The following GNAL variants were observed in gnomAD, a reference collection of about 807,000 sequenced individuals.
GNAL encodes guanine nucleotide-binding protein G(olf) subunit alpha.
GNAL carries 18 observed loss-of-function variants against 55.1 expected under a neutral mutation model. The ratio of observed to expected loss-of-function variants is 0.33; its 90% confidence interval spans 0.23 to 0.48. The LOEUF is 0.48. Ranked by LOEUF, GNAL falls within the 20% of genes least tolerant of loss-of-function variation. The pLI, the probability that GNAL is intolerant of heterozygous loss-of-function variation, is 0.99. For synonymous variants in GNAL, 253 were observed against 237.0 expected (o/e 1.07, Z -0.62); for missense variants, 412 against 614.1 (o/e 0.67, Z 3.48).
chr18:11,747,629 AG>A (rs1050841683), intron 1 of GNAL: 3 of 149,400 alleles, frequency 2.0e-5, no homozygotes, highest in African/African-American at 7.4e-5. Context: ...GGGGATGGAT[AG>A]GGGTACTGGG....
chr18:11,753,529 C>G (rs955239871), intron 2 of GNAL, 99 bp from the exon 3 acceptor site: 1 of 778,646 alleles, frequency 1.3e-6, no homozygotes, highest in African/African-American at 1.7e-5. Flanking sequence ...TGAAACCAGT[C>G]TAGGTCAGTG....
chr18:11,736,412 A>G (rs1039264108), intron 1 of GNAL, among the ~76,000 whole-genome samples: 2 of 152,172 alleles, frequency 1.3e-5, no homozygotes, highest in African/African-American at 2.4e-5. Context: ...TTTTAAAGAT[A>G]CTTCTTTGTG....
At chr18:11,733,205 G>A (rs28647280) in intron 1 of GNAL, among the ~76,000 whole-genome samples, 12 of 152,240 alleles carry the variant, frequency 7.9e-5, no homozygotes, top group African/African-American at 2.7e-4. Flanking sequence ...GCGCCCGGGC[G>A]CGGGGAGCCG....
chr18:11,813,227 C>G (rs76560269), intron 4 of GNAL, among the ~76,000 whole-genome samples: 7,283 of 142,854 alleles, frequency 0.051, 259 homozygotes, highest in Non-Finnish European at 0.07. Flanking sequence ...TGCACTCCAG[C>G]TCTGGCGACA....
rs544238542 is a variant in GNAL, at chr18:11,884,475, C to G, written c.*3340C>G. ...TTGTCTTACGCTTTCCGAGCAAGTTCAAACCAGAAAGAAAAGGTGAGGCTA... is the reference window on the plus strand; with the variant it reads ...TTGTCTTACGCTTTCCGAGCAAGTTGAAACCAGAAAGAAAAGGTGAGGCTA... On this transcript the variant is annotated 3_prime_UTR_variant, in exon 12 of 12. Transcript: ENST00000334049. 6.2e-7 allele frequency: 1 copy of G among 1,614,070 alleles called. No individual in the cohort carries two copies.
At chr18:11,749,610 G>A (rs1304299589) in intron 1 of GNAL, among the ~76,000 whole-genome samples, 1 of 152,176 alleles carries the variant, frequency 6.6e-6, no homozygotes, top group Non-Finnish European at 1.5e-5. Context: ...CGCCCTCAAG[G>A]AGTCCACAGT....
chr18:11,845,820 A>C (rs1268590534), intron 5 of GNAL, among the ~76,000 whole-genome samples: 1 of 118,864 alleles, frequency 8.4e-6, no homozygotes, highest in Non-Finnish European at 2.0e-5. Context: ...GGAGAGAGAC[A>C]GAGAGAGAAG....
At chr18:11,834,248 G>A (rs1198683868) in intron 5 of GNAL, among the ~76,000 whole-genome samples, 4 of 152,248 alleles carry the variant, frequency 2.6e-5, no homozygotes, top group Middle Eastern at 3.4e-3. Context: ...TGAGTTTTTC[G>A]CTGGACTCAA....
chr18:11,788,928 T>TATATATAC (rs1555650669), intron 4 of GNAL, among the ~76,000 whole-genome samples: 301 of 114,894 alleles, frequency 2.6e-3, no homozygotes, highest in Admixed American at 4.1e-3. Context: ...TATATATATA[T>TATATATAC]ATATATATAC....
rs985542813 is a variant in GNAL, at chr18:11,868,836, C to T, written c.1031+173C>T. Among the ~76,000 whole-genome samples, 2 of 152,040 alleles carry T rather than the reference C, an allele frequency of 1.3e-5. No homozygotes were observed. The highest frequency in any genetic ancestry group is 4.8e-5 in the African/African-American group (2 of 41,382). ...GACTAGCCTGGGCAACATGGAGAAACCCTGTCTCTACAAAAAATACAAAAA... is the reference window on the plus strand; with the variant it reads ...GACTAGCCTGGGCAACATGGAGAAATCCTGTCTCTACAAAAAATACAAAAA... On this transcript the variant is annotated intron_variant, in intron 9 of 11. Coordinates refer to ENST00000334049, the MANE Select transcript of GNAL (RefSeq NM_182978.4). The surrounding 1 kb of genome is among the most constrained non-coding windows in gnomAD (Gnocchi z 4.0).
intron 5 of GNAL, among the ~76,000 whole-genome samples, chr18:11,839,391 A>G (rs2143723353): frequency 6.6e-6 from 1 of 151,678 alleles, no homozygotes; most frequent in East Asian, 1.9e-4. Context: ...TAAAAGTAAA[A>G]AAAAAAAAAA....
intron 4 of GNAL, among the ~76,000 whole-genome samples, chr18:11,779,396 GCAGT>G (rs2033869324): frequency 6.6e-6 from 1 of 152,212 alleles, no homozygotes. Flanking sequence ...GGATGGAATA[GCAGT>G]CATTTGATGG....
chr18:11,823,553 G>C (rs962973085), intron 4 of GNAL, among the ~76,000 whole-genome samples: 1 of 152,164 alleles, frequency 6.6e-6, no homozygotes, highest in Admixed American at 6.5e-5. Context: ...TTTAGCCTCT[G>C]TTTTTTCAAA....
rs776673691 is a variant in GNAL, at chr18:11,689,814, A to T, written c.251A>T (p.Glu84Val). ...CAGCGCACCGAGCAGCTGAGTGCCG[A>T]GGAGCGCGAGGCGGCCAAGGAGCGC... Reference protein sequence around the residue: ...KRQRTEQLSAEEREAAKEREA... With the variant: ...KRQRTEQLSAVEREAAKEREA... Residue 84 changes from glutamate (E) to valine (V), a missense_variant, in exon 1 of 12, where the codon GAG becomes GTG. Glu to Val is a moderately radical substitution (Grantham distance 121). Coordinates refer to ENST00000334049, the MANE Select transcript of GNAL (RefSeq NM_182978.4). 7.2e-6 allele frequency: 11 copies of T among 1,537,434 alleles called. No homozygotes were observed. In the South Asian group the frequency reaches 1.3e-4, roughly 19 times the overall value.
chr18:11,837,858 AGGCTG>A (rs2035529945), intron 5 of GNAL, among the ~76,000 whole-genome samples: 1 of 152,216 alleles, frequency 6.6e-6, no homozygotes, highest in Admixed American at 6.6e-5. Flanking sequence ...ATGTGTAAAC[AGGCTG>A]GGCATGGTGG....
chr18:11,780,460 A>T (rs757565113), intron 4 of GNAL, among the ~76,000 whole-genome samples: 2 of 152,208 alleles, frequency 1.3e-5, no homozygotes, highest in Non-Finnish European at 2.9e-5. Context: ...CAAAAAATGA[A>T]TGTTTACAGT....
intron 4 of GNAL, among the ~76,000 whole-genome samples, chr18:11,823,935 G>A (rs1490496615): frequency 6.6e-6 from 1 of 152,106 alleles, no homozygotes; most frequent in Non-Finnish European, 1.5e-5. Flanking sequence ...TTACTTTTGA[G>A]ATGAAAAATG....
At chr18:11,822,074 G>A (rs1280522979) in intron 4 of GNAL, among the ~76,000 whole-genome samples, 1 of 152,218 alleles carries the variant, frequency 6.6e-6, no homozygotes, top group East Asian at 1.9e-4. Context: ...GCAGAGCGGC[G>A]GATGCGTGTG....
chr18:11,732,407 A>G (rs556515009), intron 1 of GNAL, among the ~76,000 whole-genome samples: 7 of 152,316 alleles, frequency 4.6e-5, no homozygotes, highest in African/African-American at 1.7e-4. Context: ...TTTGATTTGC[A>G]GTTCCTTAAT....
Sources: gnomAD v4.1 joint callset for allele counts (sites outside exome capture counted in the v4.1 genomes callset) on GRCh38, gnomAD v4.1.1 for gene constraint, Gnocchi (gnomAD v3.1) non-coding constraint, MANE v1.5 for transcripts, NCBI Gene and HGNC (gene_info 2026-07-23, HGNC 2026-07-21) for gene names.